PXDNL: variants seen among roughly 807,000 people sequenced by gnomAD.
The protein encoded by PXDNL is probable oxidoreductase PXDNL.
In PXDNL, 145 loss-of-function variants were observed where a neutral mutation model predicts 150.8. The ratio of observed to expected loss-of-function variants is 0.96; its 90% CI spans 0.84 to 1.10. The LOEUF (loss-of-function observed/expected upper bound fraction) is 1.10, where lower values mean the gene tolerates loss of function less well. Among genes scored for constraint, PXDNL ranks in the 50% least tolerant of loss-of-function variants. The pLI is 0.00. For synonymous variants in PXDNL, 757 were observed against 725.7 expected, an observed-to-expected ratio of 1.04 and a Z score of -0.69; for missense variants, 2,087 against 1,873.9, an observed-to-expected ratio of 1.11 and a Z score of -2.10.
At chr8:51,693,120 C>T (rs1054422463) in intron 1 of PXDNL, among the ~76,000 whole-genome samples, 1 of 152,190 alleles carries the variant, frequency 6.6e-6, no homozygotes, top group East Asian at 1.9e-4. Context: ...TCCTAATACA[C>T]TCAAAATAAC....
At chr8:51,596,689 C>T (rs537881760) in intron 2 of PXDNL, among the ~76,000 whole-genome samples, 1 of 152,226 alleles carries the variant, frequency 6.6e-6, no homozygotes, top group East Asian at 1.9e-4. Context: ...CATTTGTTGG[C>T]CACATGTATG....
chr8:51,779,026 C>G (rs34461077), intron 1 of PXDNL, among the ~76,000 whole-genome samples: 1 of 152,230 alleles, frequency 6.6e-6, no homozygotes, highest in Non-Finnish European at 1.5e-5. Context: ...CCTGACCTGG[C>G]TCTCATAGGA....
chr8:51,453,519 C>T lies in PXDNL; in HGVS notation c.1249G>A (p.Ala417Thr), dbSNP rs772987514. Residue 417 changes from alanine to threonine, a missense_variant and splice_region_variant, in exon 10 of 23, where the codon GCT (alanine) becomes ACT (threonine). Ala to Thr is a moderately conservative substitution (Grantham distance 58). Transcript: ENST00000356297. ...VQAAANIIVQ[A>T]PPQFTVTPKD... ...CAATCATGACCTTCTGCTCCCATAC[C>T]TTGTACAATTATGTTTGCTGCAGCT... is the stretch of plus-strand genomic sequence containing the variant. 5 of 1,613,942 alleles carry T rather than the reference C, an allele frequency of 3.1e-6. No individual in the cohort carries two copies. The highest frequency in any genetic ancestry group is 1.7e-4 in the Middle Eastern group (1 of 6,060).
At chr8:51,577,951 GAAAGAAAGAAAGAA>G (rs1813099975) in intron 3 of PXDNL, among the ~76,000 whole-genome samples, 1 of 80,332 alleles carries the variant, frequency 1.2e-5, no homozygotes, top group Non-Finnish European at 2.5e-5. Flanking sequence ...AAGAAAGAAA[GAAAGAAAGAAAGAA>G]AGAAAGAAAG....
chr8:51,700,823 C>T (rs1816243576), intron 1 of PXDNL, among the ~76,000 whole-genome samples: 1 of 151,458 alleles, frequency 6.6e-6, no homozygotes, highest in South Asian at 2.1e-4. Context: ...CACACATATG[C>T]ACACATACAC....
At chr8:51,661,607 G>A (rs1403333532) in intron 1 of PXDNL, among the ~76,000 whole-genome samples, 2 of 152,074 alleles carry the variant, frequency 1.3e-5, no homozygotes, top group South Asian at 2.1e-4. Flanking sequence ...CCAGCCTGCC[G>A]GCTGCCCTGA....
Position 51,320,046 on chromosome 8 carries a change from A to C in PXDNL, c.4261-24T>G, listed in dbSNP as rs567094824. On this transcript the variant is annotated intron_variant, in intron 22 of 22. Transcript: ENST00000356297. ...CTCTGAAAGGCAGCATGCACATATC[A>C]CCTCCATGTTTCTTATAATCAAAGT... The C allele has an allele frequency of 4.3e-6, 6 of 1,398,056 alleles. No individual in the cohort carries two copies. In the Admixed American group the frequency reaches 1.4e-4, roughly 33 times the overall value. 86.6% of individuals were successfully genotyped at this position (1,398,056 alleles called of 1,614,324 possible).
intron 1 of PXDNL, among the ~76,000 whole-genome samples, chr8:51,678,769 A>G (rs1006861608): frequency 3.4e-4 from 51 of 152,196 alleles, no homozygotes; most frequent in African/African-American, 1.2e-3. Context: ...CTAATGCTAG[A>G]TGACGAGTTA....
At chr8:51,468,910 T>G (rs1464091100) in intron 8 of PXDNL, among the ~76,000 whole-genome samples, 1 of 152,026 alleles carries the variant, frequency 6.6e-6, no homozygotes, top group Non-Finnish European at 1.5e-5. Flanking sequence ...AGTTGTTCAG[T>G]CCTTAATAAT....
At chr8:51,675,941 T>C (rs1258069839) in intron 1 of PXDNL, among the ~76,000 whole-genome samples, 1 of 152,154 alleles carries the variant, frequency 6.6e-6, no homozygotes. Flanking sequence ...CGTATATAGA[T>C]TCATAACCCA....
chr8:51,653,592 C>A (rs761801561), intron 2 of PXDNL, among the ~76,000 whole-genome samples: 1 of 152,004 alleles, frequency 6.6e-6, no homozygotes, highest in Non-Finnish European at 1.5e-5. Context: ...AAGAATAAAC[C>A]CTGCAGTCCT....
Position 51,807,887 on chromosome 8 carries a change from C to G in PXDNL, c.164+1294G>C, listed in dbSNP as rs564233351. Among the ~76,000 whole-genome samples, 16 of 152,310 alleles carry G rather than the reference C, an allele frequency of 1.1e-4. No individual in the cohort carries two copies. In the South Asian group the frequency reaches 2.9e-3, roughly 28 times the overall value. On this transcript the variant is annotated intron_variant, in intron 1 of 22. Transcript: ENST00000356297. Reference sequence around the variant, plus strand: ...GCTATCTACCAAAAAACTGTCATTACAAAAGGACAAATGGCTGGTTCTGAG... The same window carrying G: ...GCTATCTACCAAAAAACTGTCATTAGAAAAGGACAAATGGCTGGTTCTGAG...
chr8:51,622,566 A>C (rs1267118444), intron 2 of PXDNL, among the ~76,000 whole-genome samples: 1 of 152,266 alleles, frequency 6.6e-6, no homozygotes, highest in African/African-American at 2.4e-5. Context: ...ATGATGTATT[A>C]ACATTTAAGA....
chr8:51,437,221 A>C (rs12542700), intron 12 of PXDNL, among the ~76,000 whole-genome samples: 30,034 of 152,096 alleles, frequency 0.2, 3,755 homozygotes, highest in African/African-American at 0.36. Context: ...TTTGTCAACA[A>C]AAAAGTCTAG....
intron 1 of PXDNL, among the ~76,000 whole-genome samples, chr8:51,696,797 A>ACG: frequency 1.2e-3 from 1 of 828 alleles, no homozygotes; most frequent in Admixed American, 0.015. Context: ...CCACCCACAC[A>ACG]TAGGTCTTCA....
rs1449949675 is a variant in PXDNL at position 51,608,046 on chromosome 8, AAAGAAAGAAAGC to A, written c.237-15360_237-15349del. ...GAAAGAAAGAAAGAAAGAAAGAAAG[AAAGAAAGAAAGC>A]AAGCAAGCAAGCAAGCAAGCAAGCA... On this transcript the variant is annotated intron_variant, in intron 2 of 22. Coordinates refer to ENST00000356297, the MANE Select transcript of PXDNL (RefSeq NM_144651.5). Among the ~76,000 whole-genome samples the A allele has an allele frequency of 1.8e-3, 215 of 116,520 alleles. 2 individuals are homozygous for A. The highest frequency in any genetic ancestry group is 2.7e-3 in the East Asian group (12 of 4,436). The allele number at this position is 116,520 out of a possible 152,430, so 76.4% of individuals were successfully genotyped here. A position where few individuals can be genotyped will look rare whatever the true frequency, so the allele number is the denominator to read the frequency against.
chr8:51,745,788 ACT>A (rs2130965655), intron 1 of PXDNL, among the ~76,000 whole-genome samples: 1 of 143,330 alleles, frequency 7.0e-6, no homozygotes, highest in South Asian at 2.2e-4. Context: ...ATGTAGTCTC[ACT>A]CTGTCGCTGG....
chr8:51,358,437 C>T (rs1259111391), intron 19 of PXDNL, among the ~76,000 whole-genome samples: 22 of 152,196 alleles, frequency 1.4e-4, no homozygotes, highest in Admixed American at 1.4e-3. Flanking sequence ...TTTTCTCAGA[C>T]CTTGTGTCGG....
At chr8:51,542,509 A>AAAAG (rs1554551171) in intron 4 of PXDNL, among the ~76,000 whole-genome samples, 1 of 143,300 alleles carries the variant, frequency 7.0e-6, no homozygotes, top group Non-Finnish European at 1.5e-5. Flanking sequence ...AAAAAAAAAA[A>AAAAG]AGAGAGAGAG....
Sources: gnomAD v4.1 joint callset for allele counts (sites outside exome capture counted in the v4.1 genomes callset) on GRCh38, gnomAD v4.1.1 for gene constraint, MANE v1.5 for transcripts, NCBI Gene and HGNC (gene_info 2026-07-23, HGNC 2026-07-21) for gene names.